Variants in NCOA1 observed in about 807,000 individuals in gnomAD.
NCOA1 encodes nuclear receptor coactivator 1, also known as Hin-2 protein.
Under a neutral mutation model 150.9 loss-of-function variants are expected in NCOA1, and 35 were observed. That is an observed-to-expected ratio of 0.23 (90% CI 0.18 to 0.31). The LOEUF (loss-of-function observed/expected upper bound fraction) is 0.31, where lower values mean the gene tolerates loss of function less well. Ranked by LOEUF, NCOA1 falls within the 10% of genes least tolerant of loss-of-function variation. NCOA1 has a pLI of 1.00. For missense variants in NCOA1, 1,491 were observed against 1,749.3 expected (o/e 0.85, Z 2.63); for synonymous variants, 590 against 630.0 (o/e 0.94, Z 0.95).
At chr2:24,635,987 A>G (rs1039976333) in intron 3 of NCOA1, among the ~76,000 whole-genome samples, 1 of 152,192 alleles carries the variant, frequency 6.6e-6, no homozygotes, top group African/African-American at 2.4e-5. Context: ...CCACCTTAAT[A>G]TGGAATTTAC....
intron 14 of NCOA1, chr2:24,711,368 C>T (rs1453255089): frequency 3.5e-6 from 1 of 289,592 alleles, no homozygotes; most frequent in Admixed American, 5.0e-5. Flanking sequence ...TTTGTCGTCT[C>T]ACCCAAAACA....
intron 22 of NCOA1, chr2:24,767,816 G>A: frequency 7.8e-6 from 3 of 383,824 alleles, no homozygotes; most frequent in East Asian, 4.0e-5. Context: ...ACATCATAAA[G>A]ATTTTTTATC....
At chr2:24,544,666 G>A (rs1665535982) in intron 1 of NCOA1, among the ~76,000 whole-genome samples, 1 of 152,130 alleles carries the variant, frequency 6.6e-6, no homozygotes, top group African/African-American at 2.4e-5. Flanking sequence ...CTGAGCTCAG[G>A]AAGTTGAGGC....
intron 21 of NCOA1, among the ~76,000 whole-genome samples, chr2:24,759,439 G>A (rs1167973501): frequency 1.3e-5 from 2 of 152,218 alleles, no homozygotes; most frequent in African/African-American, 4.8e-5. Context: ...TAGAGAAGAA[G>A]TAATGTGGTA....
intron 3 of NCOA1, among the ~76,000 whole-genome samples, chr2:24,589,184 A>C (rs1296909543): frequency 1.3e-5 from 2 of 151,980 alleles, no homozygotes; most frequent in African/African-American, 2.4e-5. Flanking sequence ...CTGGTTTCTT[A>C]CTGGTCTCTC....
chr2:24,713,457 A>G (rs1049077939), intron 14 of NCOA1, among the ~76,000 whole-genome samples: 1 of 152,194 alleles, frequency 6.6e-6, no homozygotes, highest in Admixed American at 6.5e-5. Context: ...AAAAGATTCT[A>G]AAACCTTTCA....
Position 24,739,728 on chromosome 2 carries a change from C to T in NCOA1, c.3303+195C>T, listed in dbSNP as rs1220429409. On this transcript the variant is annotated intron_variant, in intron 18 of 22. Coordinates refer to ENST00000348332, the MANE Select transcript of NCOA1 (RefSeq NM_003743.5). The stretch of plus-strand genomic sequence containing the variant: ...GATATTTGATCTAAAGCAAATGGTG[C>T]TTTGTTTTGTTTTATTGTTATTATT... 2.0e-5 allele frequency among the ~76,000 whole-genome samples: 3 copies of T among 151,992 alleles called. No individual in the cohort carries two copies. The East Asian group carries it at 5.8e-4, about 29-fold the overall frequency.
At chr2:24,632,020 T>C (rs1669730185) in intron 3 of NCOA1, among the ~76,000 whole-genome samples, 1 of 152,030 alleles carries the variant, frequency 6.6e-6, no homozygotes, top group Non-Finnish European at 1.5e-5. Context: ...TTAGAAATAA[T>C]ATATAGTATT....
Position 24,549,608 on chromosome 2 carries a change from C to T in NCOA1, c.-395-14687C>T, listed in dbSNP as rs139570055. Among the ~76,000 whole-genome samples, 646 of 152,240 alleles carry T rather than the reference C, an allele frequency of 4.2e-3. 3 individuals are homozygous for T. Among genetic ancestry groups the T allele is most frequent in the African/African-American group, 0.015 (605 of 41,526 alleles). On this transcript the variant is annotated intron_variant, in intron 1 of 22. Coordinates refer to ENST00000348332, the MANE Select transcript of NCOA1 (RefSeq NM_003743.5). ...TTAAGACAGAGTCTCACTCTGTCACCCAGGCTGGAGTGCAGTGGCGCAATC... is the reference window on the plus strand; with the variant it reads ...TTAAGACAGAGTCTCACTCTGTCACTCAGGCTGGAGTGCAGTGGCGCAATC...
intron 7 of NCOA1, among the ~76,000 whole-genome samples, chr2:24,678,202 G>A (rs1343477511): frequency 6.6e-6 from 1 of 152,182 alleles, no homozygotes; most frequent in Non-Finnish European, 1.5e-5. Context: ...CCATGTCCCT[G>A]CAAAGGACCA....
At chr2:24,753,987 T>G (rs981687198) in intron 20 of NCOA1, among the ~76,000 whole-genome samples, 2 of 152,192 alleles carry the variant, frequency 1.3e-5, no homozygotes, top group Non-Finnish European at 2.9e-5. Context: ...CTGGGTTACT[T>G]TTTCCCATTT....
At chr2:24,679,852 C>A (rs1007522140) in intron 7 of NCOA1, among the ~76,000 whole-genome samples, 1 of 151,948 alleles carries the variant, frequency 6.6e-6, no homozygotes, top group South Asian at 2.1e-4. Context: ...TCACGGCGAT[C>A]GGGTAGAATA....
intron 1 of NCOA1, among the ~76,000 whole-genome samples, chr2:24,506,613 G>T (rs1663707062): frequency 6.6e-6 from 1 of 152,030 alleles, no homozygotes; most frequent in South Asian, 2.1e-4. Context: ...ATCTTTAGTG[G>T]TTAGGTTCCT....
At chr2:24,495,426 C>T (rs757469844) in intron 1 of NCOA1, among the ~76,000 whole-genome samples, 1 of 151,994 alleles carries the variant, frequency 6.6e-6, no homozygotes, top group Non-Finnish European at 1.5e-5. Flanking sequence ...TCTAGTCACT[C>T]GAGGAGTTAT....
intron 1 of NCOA1, among the ~76,000 whole-genome samples, chr2:24,529,035 C>T (rs545605020): frequency 3.4e-4 from 52 of 152,060 alleles, no homozygotes; most frequent in Non-Finnish European, 7.4e-5. Flanking sequence ...TACAGGCGCC[C>T]GCCACCACGC....
chr2:24,686,120 G>C (rs1432381158), intron 8 of NCOA1, among the ~76,000 whole-genome samples: 1 of 152,118 alleles, frequency 6.6e-6, no homozygotes, highest in South Asian at 2.1e-4. Flanking sequence ...TCCTGCCTCA[G>C]CCTCCTGAGT....
chr2:24,506,654 G>C lies in NCOA1; in HGVS notation c.-396+15052G>C, dbSNP rs77489847. 6.7e-3 allele frequency among the ~76,000 whole-genome samples: 1,013 copies of C among 152,116 alleles called. 12 individuals carry two copies. The highest frequency in any genetic ancestry group is 0.023 in the African/African-American group (965 of 41,488). ...ATCATAAGAGAATACTCACCTGATTGCATTTGATTATGAAATATATATAGT... is the reference window on the plus strand; with the variant it reads ...ATCATAAGAGAATACTCACCTGATTCCATTTGATTATGAAATATATATAGT... On this transcript the variant is annotated intron_variant, in intron 1 of 22. Coordinates refer to ENST00000348332, the MANE Select transcript of NCOA1 (RefSeq NM_003743.5).
intron 22 of NCOA1, among the ~76,000 whole-genome samples, chr2:24,764,411 G>A (rs1205630906): frequency 6.6e-6 from 1 of 152,224 alleles, no homozygotes; most frequent in East Asian, 1.9e-4. Context: ...AGGAGAATTT[G>A]CTGAGATGGT....
chr2:24,508,467 T>C (rs1663796031), intron 1 of NCOA1, among the ~76,000 whole-genome samples: 1 of 152,082 alleles, frequency 6.6e-6, no homozygotes, highest in South Asian at 2.1e-4. Context: ...TCTAGAATAT[T>C]CCTGAATATT....
Sources: allele counts gnomAD v4.1 joint callset (sites outside exome capture counted in the v4.1 genomes callset), GRCh38; gene constraint gnomAD v4.1.1; transcripts MANE v1.5; gene names NCBI Gene and HGNC (gene_info 2026-07-23, HGNC 2026-07-21).